The following CFAP20DC variants were observed in gnomAD, a reference collection of about 807,000 sequenced individuals.
The protein encoded by CFAP20DC is protein CFAP20DC.
Under a neutral mutation model 101.7 loss-of-function variants are expected in CFAP20DC, and 84 were observed. That is an observed-to-expected ratio of 0.83 (90% CI 0.69 to 0.99). The LOEUF (loss-of-function observed/expected upper bound fraction) is 0.99. CFAP20DC is among the 50% of genes least tolerant of loss of function. The probability of loss-of-function intolerance (pLI) is 0.00; values close to 1 mark genes in which losing one functional copy is unlikely to be tolerated. For synonymous variants in CFAP20DC, 359 were observed against 351.2 expected (o/e 1.02, Z -0.25); for missense variants, 1,007 against 970.3 (o/e 1.04, Z -0.50).
chr3:58,980,293 C>T (rs997394038), intron 4 of CFAP20DC, among the ~76,000 whole-genome samples: 4 of 152,164 alleles, frequency 2.6e-5, no homozygotes, highest in East Asian at 1.9e-4. Flanking sequence ...GGAGCTGGTA[C>T]CATTCCTTCT....
chr3:58,807,518 A>G (rs1414730285), intron 14 of CFAP20DC, among the ~76,000 whole-genome samples: 1 of 152,214 alleles, frequency 6.6e-6, no homozygotes, highest in Non-Finnish European at 1.5e-5. Flanking sequence ...TGTCTGTTAG[A>G]AGGAAAACTA....
chr3:58,820,630 A>T (rs2107906967), intron 14 of CFAP20DC, among the ~76,000 whole-genome samples: 1 of 152,218 alleles, frequency 6.6e-6, no homozygotes, highest in South Asian at 2.1e-4. Context: ...ACCACTGCTC[A>T]AGGAAATAAA....
At chr3:58,851,184 T>C (rs2078196139) in intron 12 of CFAP20DC, among the ~76,000 whole-genome samples, 3 of 152,162 alleles carry the variant, frequency 2.0e-5, no homozygotes. Flanking sequence ...GAGGAGTCAT[T>C]GTGTGAAGTA....
At chr3:58,809,834 G>A (rs893594496) in intron 14 of CFAP20DC, among the ~76,000 whole-genome samples, 1 of 151,856 alleles carries the variant, frequency 6.6e-6, no homozygotes, top group Non-Finnish European at 1.5e-5. Flanking sequence ...AAAGAGAGAA[G>A]AATCAAATAG....
At position 59,001,273 on chromosome 3, in the gene CFAP20DC, G is replaced by A. The variant is rs1402929340; in HGVS notation, c.278+38284C>T. ...CTTTGATACTACTATAAAAATACAA[G>A]GCCTGATAGACTGCCTCTATAGGAC... On this transcript the variant is annotated intron_variant, in intron 4 of 16. Transcript: ENST00000482387. This position sits in a 1 kb window ranked among gnomAD's most constrained non-coding sequence, Gnocchi z 4.5. Among the ~76,000 whole-genome samples the A allele has an allele frequency of 6.6e-6, 1 of 151,968 alleles. No homozygotes were observed. The highest frequency in any genetic ancestry group is 1.9e-4 in the East Asian group (1 of 5,186).
At chr3:58,835,947 C>G (rs931628534) in intron 13 of CFAP20DC, among the ~76,000 whole-genome samples, 3 of 152,164 alleles carry the variant, frequency 2.0e-5, no homozygotes, top group African/African-American at 7.2e-5. Context: ...ATGTATAATT[C>G]AATTTCATCT....
At position 59,007,148 on chromosome 3, in the gene CFAP20DC, G is replaced by C. The variant is rs1030915418; in HGVS notation, c.278+32409C>G. 6.6e-6 allele frequency among the ~76,000 whole-genome samples: 1 copy of C among 152,138 alleles called. No individual in the cohort carries two copies. Among genetic ancestry groups the C allele is most frequent in the Non-Finnish European group, 1.5e-5 (1 of 68,022 alleles). ...CTCTGGAACAAAACCCCATTGGCCT[G>C]AGAACCACCCCCAACTCCCCAACAG... On this transcript the variant is annotated intron_variant, in intron 4 of 16. Coordinates refer to ENST00000482387, the MANE Select transcript of CFAP20DC (RefSeq NM_001394063.1). This position sits in a 1 kb window ranked among gnomAD's most constrained non-coding sequence, Gnocchi z 4.4.
intron 7 of CFAP20DC, among the ~76,000 whole-genome samples, chr3:58,879,757 T>C (rs72881652): frequency 0.023 from 3,548 of 152,154 alleles, 126 homozygotes; most frequent in African/African-American, 0.08. Flanking sequence ...GTGGAGGGCA[T>C]TGATTATTAG....
intron 14 of CFAP20DC, among the ~76,000 whole-genome samples, chr3:58,813,179 C>T (rs754455335): frequency 6.6e-6 from 1 of 151,796 alleles, no homozygotes; most frequent in African/African-American, 2.4e-5. Flanking sequence ...CAATACCTAA[C>T]AAAAATGTGA....
chr3:58,909,268 A>AAAACTCT (rs1441619537), intron 6 of CFAP20DC, among the ~76,000 whole-genome samples: 1 of 152,142 alleles, frequency 6.6e-6, no homozygotes. Context: ...GGACATGATG[A>AAAACTCT]AAACTCTATA....
chr3:58,763,835 G>A (rs997728985), intron 15 of CFAP20DC, among the ~76,000 whole-genome samples: 7 of 152,192 alleles, frequency 4.6e-5, no homozygotes, highest in African/African-American at 1.2e-4. Flanking sequence ...TATCAGCAGC[G>A]GAGGCTGCAG....
rs184299620 is a variant in CFAP20DC at position 58,800,253 on chromosome 3, G to C, written c.2237+6142C>G. 3.5e-3 allele frequency among the ~76,000 whole-genome samples: 534 copies of C among 152,328 alleles called. 5 individuals are homozygous for C. The highest frequency in any genetic ancestry group is 5.2e-3 in the Admixed American group (80 of 15,304). On this transcript the variant is annotated intron_variant, in intron 15 of 16. Transcript: ENST00000482387. Reference sequence around the variant, plus strand: ...CCAGAGAAGCAGAGAAGGCAGGTTTGGAGGTTTACAGTATTTGCCCAGGTG... The same window carrying C: ...CCAGAGAAGCAGAGAAGGCAGGTTTCGAGGTTTACAGTATTTGCCCAGGTG...
chr3:58,794,400 C>T, intron 15 of CFAP20DC: 1 of 441,964 alleles, frequency 2.3e-6, no homozygotes, highest in Non-Finnish European at 4.6e-6. Context: ...GTCAAATACA[C>T]TAAAAGATGT....
intron 12 of CFAP20DC, among the ~76,000 whole-genome samples, chr3:58,854,666 C>G (rs907148321): frequency 2.6e-5 from 4 of 151,904 alleles, no homozygotes; most frequent in African/African-American, 9.7e-5. Flanking sequence ...GAATAGAGCC[C>G]TCAGAAATAA....
At chr3:58,891,422 GGGGAGAGGGAGA>G (rs200945396) in intron 6 of CFAP20DC, among the ~76,000 whole-genome samples, 1,906 of 132,478 alleles carry the variant, frequency 0.014, 24 homozygotes, top group Middle Eastern at 0.042. Flanking sequence ...GGGAGACCGT[GGGGAGAGGGAGA>G]GGGAGAGGGA....
rs1187049567 is a variant in CFAP20DC at position 58,795,444 on chromosome 3, A to C, written c.2237+10951T>G. On this transcript the variant is annotated intron_variant, in intron 15 of 16. Transcript: ENST00000482387. This position sits in a 1 kb window ranked among gnomAD's most constrained non-coding sequence, Gnocchi z 4.2. ...TGCTTGAGCCCAGGAGTACGAGACC[A>C]GCTTGGGCAACAGGGCAAGACCCCA... Among the ~76,000 whole-genome samples the C allele has an allele frequency of 6.6e-6, 1 of 152,180 alleles. No individual in the cohort carries two copies. The highest frequency in any genetic ancestry group is 1.9e-4 in the East Asian group (1 of 5,168).
intron 4 of CFAP20DC, among the ~76,000 whole-genome samples, chr3:58,952,907 T>C (rs1232832948): frequency 6.6e-6 from 1 of 152,082 alleles, no homozygotes; most frequent in Non-Finnish European, 1.5e-5. Flanking sequence ...CTACTTGCTC[T>C]CAAGTCTGGA....
intron 16 of CFAP20DC, among the ~76,000 whole-genome samples, chr3:58,748,769 T>C (rs1386969118): frequency 6.6e-6 from 1 of 152,216 alleles, no homozygotes; most frequent in African/African-American, 2.4e-5. Context: ...ATTTCACTCA[T>C]GTGGTTCTTA....
At chr3:58,789,138 ATAAC>A (rs1441208850) in intron 15 of CFAP20DC, among the ~76,000 whole-genome samples, 1 of 152,224 alleles carries the variant, frequency 6.6e-6, no homozygotes, top group African/African-American at 2.4e-5. Flanking sequence ...GCAACTTTAT[ATAAC>A]ACCTTTTAGA....
Sources: allele counts gnomAD v4.1 joint callset (sites outside exome capture counted in the v4.1 genomes callset), GRCh38; gene constraint gnomAD v4.1.1; non-coding constraint Gnocchi (gnomAD v3.1); transcripts MANE v1.5; gene names NCBI Gene and HGNC (gene_info 2026-07-23, HGNC 2026-07-21).